IKZF2: variants seen among roughly 807,000 people sequenced by gnomAD.
The protein encoded by IKZF2 is zinc finger protein Helios.
A neutral mutation model predicts 49.2 loss-of-function variants in IKZF2; 15 were observed. That is an observed-to-expected ratio of 0.30 (90% CI 0.20 to 0.47). The LOEUF (loss-of-function observed/expected upper bound fraction) is 0.47. Ranked by LOEUF, IKZF2 falls within the 20% of genes least tolerant of loss-of-function variation. The pLI is 1.00. For synonymous variants in IKZF2, 227 were observed against 221.4 expected, an observed-to-expected ratio of 1.03 and a Z score of -0.23; for missense variants, 567 against 664.6, an observed-to-expected ratio of 0.85 and a Z score of 1.61.
rs146762071 is a variant in IKZF2, at chr2:213,106,590, T to G, written c.139+41118A>C. Among the ~76,000 whole-genome samples the G allele has an allele frequency of 5.0e-3, 738 of 148,198 alleles. 7 individuals are homozygous for G. Among genetic ancestry groups the G allele is most frequent in the African/African-American group, 0.018 (704 of 40,150 alleles). ...TTCGAGGCTGCCACATAAGCCATGA[T>G]CATGGTGCCACTGCACTCCAACCTG... On this transcript the variant is annotated intron_variant, in intron 4 of 8. Transcript: ENST00000434687.
chr2:213,150,898 T>C (rs536331397), intron 1 of IKZF2, among the ~76,000 whole-genome samples: 18 of 150,934 alleles, frequency 1.2e-4, no homozygotes, highest in Non-Finnish European at 2.2e-4. Flanking sequence ...CATACCAGGG[T>C]TTTTGGTTTT....
intron 6 of IKZF2, among the ~76,000 whole-genome samples, chr2:213,023,087 G>A (rs1414961393): frequency 6.6e-6 from 1 of 152,152 alleles, no homozygotes; most frequent in Non-Finnish European, 1.5e-5. Flanking sequence ...GGTGGTCTGT[G>A]CCAAAGCCCT....
chr2:213,146,762 G>GGGC lies in IKZF2; in HGVS notation c.139+945_139+946insGCC, dbSNP rs979527484. Reference sequence around the variant, plus strand: ...CTTTTCTTAGTTATTAAATCTTCGGGGGGGGGGAAGGAAAGAGAATGCCTT... The same window carrying GGGC: ...CTTTTCTTAGTTATTAAATCTTCGGGGGCGGGGGGGAAGGAAAGAGAATGCCTT... On this transcript the variant is annotated intron_variant, in intron 4 of 8. Transcript: ENST00000434687. Among the ~76,000 whole-genome samples the GGGC allele has an allele frequency of 1.3e-4, 18 of 134,456 alleles. 2 individuals carry two copies. The highest frequency in any genetic ancestry group is 4.8e-4 in the African/African-American group (18 of 37,564). 88.2% of individuals were successfully genotyped at this position (134,456 alleles called of 152,430 possible). A position where few individuals can be genotyped will look rare whatever the true frequency, so the allele number is the denominator to read the frequency against.
intron 4 of IKZF2, among the ~76,000 whole-genome samples, chr2:213,068,946 C>CACA (rs1553564907): frequency 2.5e-4 from 36 of 145,234 alleles, no homozygotes; most frequent in African/African-American, 8.4e-4. Flanking sequence ...CACACACACA[C>CACA]AACATACTCA....
At chr2:213,049,924 G>A in intron 5 of IKZF2, 44 bp from the exon 6 acceptor site, 1 of 1,364,658 alleles carries the variant, frequency 7.3e-7, no homozygotes, top group African/African-American at 1.5e-5. Context: ...TAGGGTATGT[G>A]CAAGTGACTA....
intron 4 of IKZF2, among the ~76,000 whole-genome samples, chr2:213,107,939 C>G (rs1473473616): frequency 1.3e-5 from 2 of 152,004 alleles, no homozygotes; most frequent in East Asian, 3.9e-4. Flanking sequence ...ATCTCGAAAG[C>G]TATGATTAAG....
At chr2:213,117,127 G>A (rs938427444) in intron 4 of IKZF2, among the ~76,000 whole-genome samples, 2 of 152,046 alleles carry the variant, frequency 1.3e-5, no homozygotes, top group Admixed American at 6.6e-5. Context: ...GCTGAACAGC[G>A]AAAGAAATTA....
chr2:213,049,135 T>G (rs1286075149), intron 6 of IKZF2, among the ~76,000 whole-genome samples: 1 of 152,212 alleles, frequency 6.6e-6, no homozygotes, highest in East Asian at 1.9e-4. Context: ...CTACATTTTT[T>G]AAATGATTTA....
intron 4 of IKZF2, among the ~76,000 whole-genome samples, chr2:213,108,766 CT>C (rs971343080): frequency 6.6e-6 from 1 of 151,720 alleles, no homozygotes; most frequent in Non-Finnish European, 1.5e-5. Flanking sequence ...CAACATATTG[CT>C]TTTTTTGCTA....
intron 6 of IKZF2, among the ~76,000 whole-genome samples, chr2:213,025,878 T>C (rs936785257): frequency 9.9e-5 from 15 of 152,136 alleles, no homozygotes; most frequent in African/African-American, 3.6e-4. Context: ...AAATTCTATA[T>C]ACTGGACTCG....
intron 4 of IKZF2, among the ~76,000 whole-genome samples, chr2:213,131,806 T>C (rs964121788): frequency 1.3e-5 from 2 of 152,172 alleles, no homozygotes; most frequent in African/African-American, 4.8e-5. Context: ...ATAACTGAAG[T>C]AACCTGTGGG....
chr2:213,071,927 C>T (rs1702748924), intron 4 of IKZF2, among the ~76,000 whole-genome samples: 2 of 152,006 alleles, frequency 1.3e-5, no homozygotes, highest in Non-Finnish European at 2.9e-5. Context: ...CACATACACA[C>T]ACACAATTTT....
chr2:213,131,872 T>C (rs2060483910), intron 4 of IKZF2, among the ~76,000 whole-genome samples: 1 of 152,118 alleles, frequency 6.6e-6, no homozygotes, highest in African/African-American at 2.4e-5. Flanking sequence ...ATGCATTCAG[T>C]CAATCAGATA....
intron 6 of IKZF2, among the ~76,000 whole-genome samples, chr2:213,044,912 T>G (rs953005763): frequency 6.6e-6 from 1 of 152,168 alleles, no homozygotes; most frequent in Non-Finnish European, 1.5e-5. Flanking sequence ...CAGAGAAACA[T>G]GGGATGGTAG....
intron 4 of IKZF2, among the ~76,000 whole-genome samples, chr2:213,084,250 G>T (rs1194809775): frequency 6.6e-6 from 1 of 152,292 alleles, no homozygotes; most frequent in East Asian, 1.9e-4. Context: ...TCCCTGGAAT[G>T]CTTCCCTGGC....
intron 4 of IKZF2, among the ~76,000 whole-genome samples, chr2:213,128,156 C>G (rs2060330905): frequency 6.6e-6 from 1 of 152,086 alleles, no homozygotes; most frequent in Non-Finnish European, 1.5e-5. Context: ...TCCTAGAATG[C>G]AAGTGGTAAC....
rs201154548 is a variant in IKZF2, at chr2:213,109,847, A to AC, written c.139+37860dup. On this transcript the variant is annotated intron_variant, in intron 4 of 8. Transcript: ENST00000434687. Reference sequence around the variant, plus strand: ...ATAAAAATGGTAAATTCTAAAATGAACACTGGTCTTGATTTTTGTACAACT... The same window carrying AC: ...ATAAAAATGGTAAATTCTAAAATGAACCACTGGTCTTGATTTTTGTACAACT... 5.8e-3 allele frequency among the ~76,000 whole-genome samples: 876 copies of AC among 152,180 alleles called. 11 individuals are homozygous for AC. Among genetic ancestry groups the AC allele is most frequent in the African/African-American group, 0.02 (843 of 41,566 alleles).
At chr2:213,064,636 T>C (rs1702008033) in intron 4 of IKZF2, among the ~76,000 whole-genome samples, 1 of 152,048 alleles carries the variant, frequency 6.6e-6, no homozygotes, top group African/African-American at 2.4e-5. Flanking sequence ...CTACTTTAAA[T>C]AGAAATGCCT....
At chr2:213,080,578 C>T (rs1470862355) in intron 4 of IKZF2, among the ~76,000 whole-genome samples, 1 of 152,024 alleles carries the variant, frequency 6.6e-6, no homozygotes, top group East Asian at 1.9e-4. Context: ...GGGTAAAATG[C>T]AAGTGATTAA....
Sources: gnomAD v4.1 joint callset for allele counts (sites outside exome capture counted in the v4.1 genomes callset) on GRCh38, gnomAD v4.1.1 for gene constraint, MANE v1.5 for transcripts, NCBI Gene and HGNC (gene_info 2026-07-23, HGNC 2026-07-21) for gene names.